The following CSMD1 variants were observed in gnomAD, a reference collection of about 807,000 sequenced individuals.
CSMD1 encodes the protein CUB and Sushi multiple domains 1, also known as CUB and sushi domain-containing protein 1.
In CSMD1, 213 loss-of-function variants were observed where a neutral mutation model predicts 417.5. The observed-to-expected ratio is 0.51, with a 90% CI of 0.46 to 0.57. The LOEUF (loss-of-function observed/expected upper bound fraction) is 0.57. Ranked by LOEUF, CSMD1 falls within the 20% of genes least tolerant of loss-of-function variation. The probability of loss-of-function intolerance (pLI) is 0.00; values close to 1 mark genes in which losing one functional copy is unlikely to be tolerated. For synonymous variants in CSMD1, 2,862 were observed against 1,736.8 expected (o/e 1.65, Z -16.11); for missense variants, 6,923 against 4,529.7 (o/e 1.53, Z -15.17).
At position 3,710,642 on chromosome 8, in the gene CSMD1, T is replaced by C. The variant is rs185499147; in HGVS notation, c.932-2151A>G. On this transcript the variant is annotated intron_variant, in intron 6 of 69. Transcript: ENST00000635120. ...TTCTGACACACCTGGAGACCATGCC[T>C]CTTGGACTCTACCCCTCAGAGTCCC... Among the ~76,000 whole-genome samples the C allele has an allele frequency of 6.6e-5, 10 of 152,254 alleles. No individual in the cohort carries two copies. In the East Asian group the frequency reaches 1.9e-3, roughly 29 times the overall value.
At chr8:4,669,773 C>A (rs1228551974) in intron 1 of CSMD1, among the ~76,000 whole-genome samples, 1 of 152,044 alleles carries the variant, frequency 6.6e-6, no homozygotes, top group Non-Finnish European at 1.5e-5. Flanking sequence ...GGGGGTACTG[C>A]AAATATTTTT....
intron 9 of CSMD1, among the ~76,000 whole-genome samples, chr8:3,585,775 A>G (rs1440945006): frequency 6.6e-6 from 1 of 152,196 alleles, no homozygotes; most frequent in Non-Finnish European, 1.5e-5. Context: ...TAGGAAAGTG[A>G]ACATTTTTAG....
At chr8:3,790,273 C>G (rs549611752) in intron 5 of CSMD1, among the ~76,000 whole-genome samples, 26 of 152,176 alleles carry the variant, frequency 1.7e-4, no homozygotes, top group Admixed American at 4.6e-4. Context: ...AACGAAATAA[C>G]AGAAAACAAG....
chr8:3,583,384 C>T (rs1359030787), intron 9 of CSMD1, among the ~76,000 whole-genome samples: 1 of 151,950 alleles, frequency 6.6e-6, no homozygotes, highest in Non-Finnish European at 1.5e-5. Flanking sequence ...CTCGAATAGA[C>T]TGCTAGTAGA....
chr8:4,380,704 G>A (rs919743325), intron 3 of CSMD1, among the ~76,000 whole-genome samples: 3 of 152,172 alleles, frequency 2.0e-5, no homozygotes, highest in African/African-American at 7.2e-5. Flanking sequence ...AATAACAGAG[G>A]ATTGTGGATG....
intron 26 of CSMD1, among the ~76,000 whole-genome samples, chr8:3,268,116 G>A (rs1001460385): frequency 3.3e-5 from 5 of 151,898 alleles, no homozygotes; most frequent in Admixed American, 6.6e-5. Context: ...AGGAAGAGAC[G>A]GGATATTTGT....
At position 2,935,941 on chromosome 8, in the gene CSMD1, G is replaced by A. The variant is rs1007031106; in HGVS notation, c.*2644C>T. The A allele has an allele frequency of 3.3e-5, 5 of 152,194 alleles. No homozygotes were observed. Among genetic ancestry groups the A allele is most frequent in the African/African-American group, 1.2e-4 (5 of 41,466 alleles). The allele number at this position is 152,194 out of a possible 1,614,324, so 9.4% of individuals were successfully genotyped here. A position where few individuals can be genotyped will look rare whatever the true frequency, so the allele number is the denominator to read the frequency against. On this transcript the variant is annotated 3_prime_UTR_variant, in exon 70 of 70. Transcript: ENST00000635120. ...AGCACGTGTCCTCTGTTAGTGTGTG[G>A]TCGCGTCCCTCACGCGTGTTCCCGT...
chr8:3,067,661 T>C (rs921119411), intron 49 of CSMD1, among the ~76,000 whole-genome samples: 3 of 149,246 alleles, frequency 2.0e-5, no homozygotes, highest in Non-Finnish European at 4.5e-5. Flanking sequence ...AATTAACATA[T>C]AATAAAAATT....
At chr8:4,665,216 G>A (rs1804843932) in intron 1 of CSMD1, among the ~76,000 whole-genome samples, 1 of 152,004 alleles carries the variant, frequency 6.6e-6, no homozygotes, top group Non-Finnish European at 1.5e-5. Context: ...TCAGAGCTCT[G>A]TTCTCCCACG....
At chr8:3,418,093 T>C (rs1563368667) in intron 12 of CSMD1, among the ~76,000 whole-genome samples, 2 of 152,190 alleles carry the variant, frequency 1.3e-5, no homozygotes, top group African/African-American at 4.8e-5. Context: ...GTACATGAAA[T>C]ACCATGTTTG....
chr8:3,837,327 T>C (rs1802776960), intron 5 of CSMD1, among the ~76,000 whole-genome samples: 1 of 152,154 alleles, frequency 6.6e-6, no homozygotes, highest in South Asian at 2.1e-4. Context: ...CTAGTATTCA[T>C]TTCTACATCA....
Position 3,108,649 on chromosome 8 carries a change from G to A in CSMD1, c.6708C>T (p.Phe2236=), listed in dbSNP as rs771766661. 1.2e-6 allele frequency: 2 copies of A among 1,613,808 alleles called. No homozygotes were observed. Among genetic ancestry groups the A allele is most frequent in the Admixed American group, 1.7e-5 (1 of 59,992 alleles). Residue 2236 remains phenylalanine, a synonymous_variant, in exon 44 of 70, where the codon TTC becomes TTT. Coordinates refer to ENST00000635120, the MANE Select transcript of CSMD1 (RefSeq NM_033225.6). The part of the protein sequence containing the change: ...YSSTNQVLLK[F]HSDFSNGGFF... ...AGCCTCCATTTGAAAAGTCGCTGTG[G>A]AACTTGAGCAGGACTTGGTTGGTGG...
At chr8:4,301,556 C>G (rs1388604788) in intron 3 of CSMD1, among the ~76,000 whole-genome samples, 3 of 152,154 alleles carry the variant, frequency 2.0e-5, no homozygotes, top group Admixed American at 2.0e-4. Context: ...TGGAATTCAC[C>G]AAGTGGAAAG....
intron 56 of CSMD1, among the ~76,000 whole-genome samples, chr8:2,974,049 GGTGGT>G (rs1442764061): frequency 1.6e-4 from 24 of 148,242 alleles, no homozygotes; most frequent in African/African-American, 6.2e-4. Context: ...GGTAGAGGAT[GGTGGT>G]AGAGGATGGT....
intron 3 of CSMD1, among the ~76,000 whole-genome samples, chr8:4,402,197 T>C (rs896137062): frequency 6.6e-6 from 1 of 152,132 alleles, no homozygotes; most frequent in African/African-American, 2.4e-5. Flanking sequence ...ATTGCGACTT[T>C]CTGACATCCC....
At chr8:3,800,983 T>C (rs935675780) in intron 5 of CSMD1, among the ~76,000 whole-genome samples, 2 of 152,006 alleles carry the variant, frequency 1.3e-5, no homozygotes, top group Admixed American at 6.6e-5. Context: ...ACTAAGACAA[T>C]TTAAATTTCA....
intron 1 of CSMD1, among the ~76,000 whole-genome samples, chr8:4,815,694 C>CAAAAAAAAAAAA (rs1218931391): frequency 3.0e-5 from 2 of 67,602 alleles, no homozygotes; most frequent in Non-Finnish European, 5.9e-5. Context: ...AAAGCTGTCT[C>CAAAAAAAAAAAA]AAAAAAAAAA....
chr8:4,326,443 G>C (rs1022763119), intron 3 of CSMD1, among the ~76,000 whole-genome samples: 1 of 152,160 alleles, frequency 6.6e-6, no homozygotes, highest in Non-Finnish European at 1.5e-5. Context: ...TACTGAGCAA[G>C]AGGTAAAGAA....
At chr8:4,016,079 C>A (rs2130468156) in intron 4 of CSMD1, among the ~76,000 whole-genome samples, 1 of 152,190 alleles carries the variant, frequency 6.6e-6, no homozygotes, top group Admixed American at 6.5e-5. Context: ...GAAAATCTAC[C>A]CATTAATATT....
Sources: allele counts gnomAD v4.1 joint callset (sites outside exome capture counted in the v4.1 genomes callset), GRCh38; gene constraint gnomAD v4.1.1; transcripts MANE v1.5; gene names NCBI Gene and HGNC (gene_info 2026-07-23, HGNC 2026-07-21).